Variants in XPNPEP3 observed in about 807,000 individuals in gnomAD.
XPNPEP3 encodes the protein X-prolyl aminopeptidase 3, also known as xaa-Pro aminopeptidase 3.
In XPNPEP3, 41 loss-of-function variants were observed where a neutral mutation model predicts 60.0. The ratio of observed to expected loss-of-function variants is 0.68; its 90% CI spans 0.53 to 0.89. The LOEUF is 0.89. Ranked by LOEUF, XPNPEP3 falls within the 40% of genes least tolerant of loss-of-function variation. The probability of loss-of-function intolerance (pLI) is 0.00; values close to 1 mark genes in which losing one functional copy is unlikely to be tolerated. For missense variants in XPNPEP3, 598 were observed against 638.9 expected, an observed-to-expected ratio of 0.94 and a Z score of 0.69; for synonymous variants, 212 against 223.2, an observed-to-expected ratio of 0.95 and a Z score of 0.45.
chr22:40,869,452 GTTCTAT>G (rs2057994805), intron 2 of XPNPEP3, among the ~76,000 whole-genome samples: 2 of 152,116 alleles, frequency 1.3e-5, no homozygotes, highest in Non-Finnish European at 2.9e-5. Context: ...TTAAAGCAAA[GTTCTAT>G]TTCTAAGTCA....
intron 8 of XPNPEP3, among the ~76,000 whole-genome samples, chr22:40,923,170 A>G (rs1174946198): frequency 2.0e-5 from 3 of 151,652 alleles, no homozygotes; most frequent in Non-Finnish European, 4.4e-5. Flanking sequence ...CTATGTTCGC[A>G]CCACTGCACT....
At chr22:40,886,184 T>A in intron 3 of XPNPEP3, 129 bp from the exon 4 acceptor site, 1 of 888,998 alleles carries the variant, frequency 1.1e-6, no homozygotes, top group East Asian at 2.5e-5. Context: ...GAGTCTTAAG[T>A]CTCAACACTT....
chr22:40,895,334 TTTC>T (rs1372847300), intron 4 of XPNPEP3, among the ~76,000 whole-genome samples: 1 of 151,720 alleles, frequency 6.6e-6, no homozygotes. Context: ...GATTAGTGCT[TTTC>T]TTTTCTTTTT....
At chr22:40,904,257 A>C (rs1260458138) in intron 4 of XPNPEP3, among the ~76,000 whole-genome samples, 1 of 152,228 alleles carries the variant, frequency 6.6e-6, no homozygotes, top group African/African-American at 2.4e-5. Context: ...AATGCTCTGT[A>C]AAGAAATTGA....
chr22:40,922,438 G>T lies in XPNPEP3; in HGVS notation c.1161G>T (p.Met387Ile). Residue 387 changes from methionine (M) to isoleucine (I), a missense_variant, in exon 8 of 10, where the codon ATG becomes ATT. Transcript: ENST00000357137. ...CAAGCTTGGAGAACATCTACAGCAT[G>T]ATGCTGACCCTGATAGGACAGAAGC... ...PGTSLENIYS[M>I]MLTLIGQKLK... 6.2e-7 allele frequency: 1 copy of T among 1,613,976 alleles called. No individual in the cohort carries two copies. Among genetic ancestry groups the T allele is most frequent in the Non-Finnish European group, 8.5e-7 (1 of 1,179,944 alleles).
At chr22:40,896,995 A>AT (rs1442430148) in intron 4 of XPNPEP3, among the ~76,000 whole-genome samples, 1 of 142,744 alleles carries the variant, frequency 7.0e-6, no homozygotes, top group East Asian at 2.2e-4. Context: ...GCTGAATGGT[A>AT]TTCCATTGTA....
chr22:40,897,281 G>A (rs930309636), intron 4 of XPNPEP3, among the ~76,000 whole-genome samples: 2 of 152,018 alleles, frequency 1.3e-5, no homozygotes, highest in Non-Finnish European at 2.9e-5. Flanking sequence ...GCCCACCTCG[G>A]CCTCCCAAAG....
At chr22:40,903,209 A>G (rs2058141579) in intron 4 of XPNPEP3, among the ~76,000 whole-genome samples, 1 of 152,242 alleles carries the variant, frequency 6.6e-6, no homozygotes, top group East Asian at 1.9e-4. Flanking sequence ...CTAATTTCAG[A>G]CCTGCTGGAA....
intron 4 of XPNPEP3, among the ~76,000 whole-genome samples, chr22:40,901,182 A>G (rs1393927203): frequency 1.3e-5 from 2 of 151,842 alleles, no homozygotes; most frequent in Non-Finnish European, 2.9e-5. Context: ...ATGAGAGAAA[A>G]TATTTGCAAA....
At chr22:40,893,399 G>A (rs1427439648) in intron 4 of XPNPEP3, among the ~76,000 whole-genome samples, 1 of 148,744 alleles carries the variant, frequency 6.7e-6, no homozygotes, top group African/African-American at 2.5e-5. Flanking sequence ...CCAGCTACTC[G>A]GGAGGCTGAG....
In XPNPEP3 at chr22:40,860,838, A is replaced by T. The variant is rs916849241; in HGVS notation, c.64+3593A>T. On this transcript the variant is annotated intron_variant, in intron 1 of 9. Transcript: ENST00000357137. ...GCTAATTTTTAAATTTTTTGTAGAG[A>T]AAAGATCTCACTATACTGCCCAGGC... is the stretch of plus-strand genomic sequence containing the variant. The T allele has an allele frequency of 7.8e-6, 5 of 642,560 alleles. No individual in the cohort carries two copies. In the African/African-American group the frequency reaches 9.2e-5, roughly 12 times the overall value. The allele number at this position is 642,560 out of a possible 1,614,324, so 39.8% of individuals were successfully genotyped here. A position where few individuals can be genotyped will look rare whatever the true frequency, so the allele number is the denominator to read the frequency against.
chr22:40,860,649 C>T, intron 1 of XPNPEP3: 1 of 1,301,364 alleles, frequency 7.7e-7, no homozygotes, highest in Non-Finnish European at 1.0e-6. Flanking sequence ...TGCAGTTTTC[C>T]AAATTCCTTT....
At position 40,871,165 on chromosome 22, in the gene XPNPEP3, C is replaced by T. The variant is rs546349670; in HGVS notation, c.181+2050C>T. Among the ~76,000 whole-genome samples the T allele has an allele frequency of 5.9e-5, 9 of 152,244 alleles. No homozygotes were observed. In the South Asian group the frequency reaches 6.2e-4, roughly 11 times the overall value. On this transcript the variant is annotated intron_variant, in intron 2 of 9. Coordinates refer to ENST00000357137, the MANE Select transcript of XPNPEP3 (RefSeq NM_022098.4). ...ATCACTTGAGGTTAGGAGTTCGAGA[C>T]GAGCATAGGCAACATAGCAAGACCC...
chr22:40,906,960 C>T (rs1601514249), intron 4 of XPNPEP3, among the ~76,000 whole-genome samples: 1 of 152,174 alleles, frequency 6.6e-6, no homozygotes, highest in Non-Finnish European at 1.5e-5. Context: ...ACTCACTCCA[C>T]CAAGCCCCAT....
intron 2 of XPNPEP3, among the ~76,000 whole-genome samples, chr22:40,876,972 A>C (rs898867210): frequency 1.3e-5 from 2 of 152,188 alleles, no homozygotes; most frequent in Non-Finnish European, 2.9e-5. Context: ...CTCAGTCAAG[A>C]TACAGAACAT....
chr22:40,861,308 A>G (rs1187712077), intron 1 of XPNPEP3: 1 of 1,614,168 alleles, frequency 6.2e-7, no homozygotes, highest in Non-Finnish European at 8.5e-7. Flanking sequence ...AGCCCTCTTC[A>G]TTGGCCACAC....
chr22:40,867,239 A>G (rs1266420564), intron 1 of XPNPEP3, among the ~76,000 whole-genome samples: 1 of 152,246 alleles, frequency 6.6e-6, no homozygotes. Flanking sequence ...ACAAGGTTAC[A>G]CACTTAGTAC....
intron 4 of XPNPEP3, among the ~76,000 whole-genome samples, chr22:40,896,056 CCTTTCT>C (rs1332659091): frequency 6.6e-6 from 1 of 152,166 alleles, no homozygotes; most frequent in East Asian, 1.9e-4. Flanking sequence ...CTCATTGGAA[CCTTTCT>C]CTTTCTAAAA....
rs2058193332 is a variant in XPNPEP3, at chr22:40,915,562, A to AG, written c.1055+1238_1055+1239insG. Among the ~76,000 whole-genome samples, 5 of 152,020 alleles carry AG rather than the reference A, an allele frequency of 3.3e-5. No homozygotes were observed. The South Asian group carries it at 1.0e-3, about 32-fold the overall frequency. On this transcript the variant is annotated intron_variant, in intron 7 of 9. Coordinates refer to ENST00000357137, the MANE Select transcript of XPNPEP3 (RefSeq NM_022098.4). Reference sequence around the variant, plus strand: ...GTGAGACTCTATCTGAAAAAAAAAAAAAAGAAAAACTATAATGGATAAAAA... The same window carrying AG: ...GTGAGACTCTATCTGAAAAAAAAAAAGAAAGAAAAACTATAATGGATAAAAA...
Sources: gnomAD v4.1 joint callset for allele counts (sites outside exome capture counted in the v4.1 genomes callset) on GRCh38, gnomAD v4.1.1 for gene constraint, MANE v1.5 for transcripts, NCBI Gene and HGNC (gene_info 2026-07-23, HGNC 2026-07-21) for gene names.